The following ZFHX3 variants were observed in gnomAD, a reference collection of about 807,000 sequenced individuals.
ZFHX3 encodes the protein zinc finger homeobox 3.
A neutral mutation model predicts 279.1 loss-of-function variants in ZFHX3; 42 were observed. The ratio of observed to expected loss-of-function variants is 0.15; its 90% CI spans 0.12 to 0.19. The LOEUF is 0.19. Among genes scored for constraint, ZFHX3 ranks in the 10% least tolerant of loss-of-function variants. The pLI is 1.00. For synonymous variants in ZFHX3, 2,293 were observed against 1,957.8 expected, an observed-to-expected ratio of 1.17 and a Z score of -4.52; for missense variants, 4,981 against 4,754.0, an observed-to-expected ratio of 1.05 and a Z score of -1.40.
chr16:73,223,959 G>A (rs911730790), intron 5 of ZFHX3, among the ~76,000 whole-genome samples: 1 of 152,174 alleles, frequency 6.6e-6, no homozygotes, highest in Non-Finnish European at 1.5e-5. Context: ...CTAACTACAT[G>A]TCATTCTGTA....
chr16:73,689,339 A>C (rs2053123318), intron 1 of ZFHX3, among the ~76,000 whole-genome samples: 1 of 152,200 alleles, frequency 6.6e-6, no homozygotes, highest in African/African-American at 2.4e-5. Context: ...ATCCCAGAGA[A>C]GTAGCCACAT....
At chr16:73,019,624 C>G (rs1567635970) in intron 1 of ZFHX3, among the ~76,000 whole-genome samples, 1 of 152,196 alleles carries the variant, frequency 6.6e-6, no homozygotes, top group Non-Finnish European at 1.5e-5. Flanking sequence ...CTGAGATGCA[C>G]AGACTGTCTG....
Position 73,288,096 on chromosome 16 carries a change from T to G in ZFHX3, c.-1194+30144A>C, listed in dbSNP as rs946769813. Among the ~76,000 whole-genome samples the G allele has an allele frequency of 4.7e-5, 7 of 149,684 alleles. No homozygotes were observed. The East Asian group carries it at 1.2e-3, about 26-fold the overall frequency. ...ACCCTGCACATTTGCTCTTAGCCGT[T>G]CCATCTCAGCAGGGAGCCAAGGAGG... On this transcript the variant is annotated intron_variant, in intron 4 of 17. Coordinates refer to the ZFHX3 transcript ENST00000641206.
At chr16:72,869,570 T>C (rs2038104957) in intron 4 of ZFHX3, among the ~76,000 whole-genome samples, 1 of 137,172 alleles carries the variant, frequency 7.3e-6, no homozygotes, top group African/African-American at 2.7e-5. Flanking sequence ...GAGTGATCAG[T>C]GACATTTTAG....
intron 4 of ZFHX3, among the ~76,000 whole-genome samples, chr16:73,289,655 T>C (rs2014718922): frequency 6.6e-6 from 1 of 152,020 alleles, no homozygotes; most frequent in South Asian, 2.1e-4. Flanking sequence ...CATCCTTTCC[T>C]AGTACACCCG....
At chr16:73,419,898 T>C (rs9926279) in intron 3 of ZFHX3, among the ~76,000 whole-genome samples, 9,636 of 150,304 alleles carry the variant, frequency 0.064, 839 homozygotes, top group African/African-American at 0.19. Flanking sequence ...TATATATATA[T>C]AGATAGATAA....
intron 3 of ZFHX3, among the ~76,000 whole-genome samples, chr16:73,354,806 C>T (rs1260931101): frequency 6.6e-6 from 1 of 152,210 alleles, no homozygotes; most frequent in Non-Finnish European, 1.5e-5. Flanking sequence ...ATTCATCACC[C>T]TGAGTATCTC....
intron 5 of ZFHX3, among the ~76,000 whole-genome samples, chr16:73,231,887 A>AGCCC (rs2012785673): frequency 6.6e-6 from 1 of 152,134 alleles, no homozygotes; most frequent in Non-Finnish European, 1.5e-5. Context: ...GTAGGCAGCA[A>AGCCC]GCCCCTCTTG....
At chr16:73,074,290 C>T (rs959295519) in intron 8 of ZFHX3, among the ~76,000 whole-genome samples, 2 of 152,208 alleles carry the variant, frequency 1.3e-5, no homozygotes, top group Non-Finnish European at 2.9e-5. Context: ...GGTGACCTCA[C>T]CCAGCTCCTC....
chr16:73,839,377 C>G (rs1360602924), intron 1 of ZFHX3, among the ~76,000 whole-genome samples: 1 of 117,482 alleles, frequency 8.5e-6, no homozygotes, highest in East Asian at 2.7e-4. Context: ...GTTAGGTCTG[C>G]ATGGGCAATG....
intron 3 of ZFHX3, among the ~76,000 whole-genome samples, chr16:73,389,910 A>G (rs913102412): frequency 2.6e-5 from 4 of 152,142 alleles, no homozygotes; most frequent in African/African-American, 9.7e-5. Flanking sequence ...AAATACAAAA[A>G]TTAGCCAGGT....
At chr16:73,559,838 T>A (rs1305190545) in intron 2 of ZFHX3, among the ~76,000 whole-genome samples, 3 of 152,184 alleles carry the variant, frequency 2.0e-5, no homozygotes, top group East Asian at 1.9e-4. Context: ...TGGACCTGAT[T>A]AATTAACTAG....
chr16:73,591,246 AG>A lies in ZFHX3; in HGVS notation c.-1547+88933del, dbSNP rs200021673. On this transcript the variant is annotated intron_variant, in intron 2 of 17. Coordinates refer to the ZFHX3 transcript ENST00000641206. ...TGGGCGCTTGTAATCCCAGCTACTC[AG>A]GAGGCTGAGGCAGGAGAATTGCTTG... Among the ~76,000 whole-genome samples, 521 of 151,858 alleles carry A rather than the reference AG, an allele frequency of 3.4e-3. 10 individuals are homozygous for A. The highest frequency in any genetic ancestry group is 0.027 in the Admixed American group (417 of 15,236).
chr16:73,169,519 G>A (rs1315048159), intron 5 of ZFHX3, among the ~76,000 whole-genome samples: 1 of 152,116 alleles, frequency 6.6e-6, no homozygotes, highest in Non-Finnish European at 1.5e-5. Context: ...GCGTGTGCCT[G>A]TAATCCCAGC....
At chr16:73,376,443 C>T (rs1461481696) in intron 3 of ZFHX3, among the ~76,000 whole-genome samples, 1 of 152,184 alleles carries the variant, frequency 6.6e-6, no homozygotes, top group Non-Finnish European at 1.5e-5. Context: ...GTCAGCAAGG[C>T]TTCTACCACC....
intron 1 of ZFHX3, among the ~76,000 whole-genome samples, chr16:73,755,618 T>A (rs1360066801): frequency 6.6e-6 from 1 of 152,176 alleles, no homozygotes; most frequent in African/African-American, 2.4e-5. Context: ...AGTTTAGGAA[T>A]CCTGCAGGCA....
chr16:73,629,524 GC>G (rs2052448814), intron 2 of ZFHX3, among the ~76,000 whole-genome samples: 1 of 152,010 alleles, frequency 6.6e-6, no homozygotes, highest in Non-Finnish European at 1.5e-5. Context: ...GTTTTCCAAG[GC>G]ACCAAAGAAA....
rs147815699 is a variant in ZFHX3, at chr16:73,404,420, G to T, written c.-1291+51583C>A. On this transcript the variant is annotated intron_variant, in intron 3 of 17. Coordinates refer to the ZFHX3 transcript ENST00000641206. ...CAGGGATGCACTCTATCTGCGCAGA[G>T]GAAAACTCGTAGGACCTCCTAGGAT... Among the ~76,000 whole-genome samples, 12 of 152,290 alleles carry T rather than the reference G, an allele frequency of 7.9e-5. No homozygotes were observed. In the East Asian group the frequency reaches 2.1e-3, roughly 27 times the overall value.
At chr16:73,846,371 A>G (rs1961448709) in intron 1 of ZFHX3, among the ~76,000 whole-genome samples, 1 of 152,198 alleles carries the variant, frequency 6.6e-6, no homozygotes, top group Admixed American at 6.5e-5. Context: ...GAATGAGCCA[A>G]TTAAAGATCT....
Sources: allele counts gnomAD v4.1 joint callset (sites outside exome capture counted in the v4.1 genomes callset), GRCh38; gene constraint gnomAD v4.1.1; transcripts MANE v1.5; gene names NCBI Gene and HGNC (gene_info 2026-07-23, HGNC 2026-07-21).